Variants in HMCN1 observed in about 807,000 individuals in gnomAD.
HMCN1 encodes hemicentin-1.
In HMCN1, 321 loss-of-function variants were observed where a neutral mutation model predicts 625.9. The observed-to-expected ratio is 0.51, with a 90% CI of 0.47 to 0.56. The LOEUF (loss-of-function observed/expected upper bound fraction) is 0.56, where lower values mean the gene tolerates loss of function less well. Ranked by LOEUF, HMCN1 falls within the 20% of genes least tolerant of loss-of-function variation. The pLI, the probability that HMCN1 is intolerant of heterozygous loss-of-function variation, is 0.00. For missense variants in HMCN1, 6,588 were observed against 6,887.3 expected (o/e 0.96, Z 1.54); for synonymous variants, 2,425 against 2,417.6 (o/e 1.00, Z -0.09).
At chr1:185,967,542 C>G (rs1380564303) in intron 14 of HMCN1, among the ~76,000 whole-genome samples, 1 of 151,958 alleles carries the variant, frequency 6.6e-6, no homozygotes, top group East Asian at 1.9e-4. Context: ...GCAGAGCTGC[C>G]CTGACCTCCA....
chr1:186,172,217 G>A (rs1354050344), intron 102 of HMCN1, 86 bp downstream of exon 102: 1 of 1,541,974 alleles, frequency 6.5e-7, no homozygotes, highest in Non-Finnish European at 8.9e-7. Flanking sequence ...AGTGATTAGA[G>A]TAAATTTAAG....
At position 186,048,795 on chromosome 1, in the gene HMCN1, A is replaced by T. The variant is rs1656749903; in HGVS notation, c.6533A>T (p.Asn2178Ile). 6.2e-7 allele frequency: 1 copy of T among 1,611,696 alleles called. No homozygotes were observed. The highest frequency in any genetic ancestry group is 1.7e-5 in the Admixed American group (1 of 59,918). Residue 2178 changes from asparagine to isoleucine, a missense_variant, in exon 42 of 107, where the codon AAT (asparagine) becomes ATT (isoleucine). This residue lies in a region of HMCN1 where 4,628 missense variants were observed against 4,853.1 expected (regional missense o/e 0.95). Transcript: ENST00000271588. ...DTGRYTCEATNVAGKTEKNYN... is the reference protein window; with the variant it reads ...DTGRYTCEATIVAGKTEKNYN... ...GGTCGTTACACTTGTGAAGCAACAA[A>T]TGTTGCTGGAAAAACTGAAAAAAAC...
chr1:186,151,541 C>A (rs1650663920), intron 94 of HMCN1, 65 bp from the exon 95 acceptor site: 1 of 1,472,018 alleles, frequency 6.8e-7, no homozygotes, highest in East Asian at 2.3e-5. Context: ...GAATAATATG[C>A]TATGAAGACA....
chr1:185,975,435 A>G (rs993617138), intron 15 of HMCN1, among the ~76,000 whole-genome samples: 10 of 152,060 alleles, frequency 6.6e-5, no homozygotes, highest in African/African-American at 2.4e-4. Context: ...GGGAGGTGAT[A>G]CACACTTTTA....
chr1:185,930,237 T>TACGGTGGAAATGG (rs1667474955), intron 10 of HMCN1, among the ~76,000 whole-genome samples: 1 of 152,222 alleles, frequency 6.6e-6, no homozygotes, highest in South Asian at 2.1e-4. Context: ...TTAAAAAGAA[T>TACGGTGGAAATGG]ACGGTGGAAA....
chr1:185,849,508 T>C (rs183760067), intron 2 of HMCN1, among the ~76,000 whole-genome samples: 2 of 152,160 alleles, frequency 1.3e-5, no homozygotes, highest in Admixed American at 1.3e-4. Context: ...TTTTAATAAA[T>C]GAATGAATGA....
In HMCN1 at chr1:186,095,424, G is replaced by A; in HGVS notation, c.10476G>A (p.Gln3492=). 6.2e-7 allele frequency: 1 copy of A among 1,613,696 alleles called. No individual in the cohort carries two copies. The highest frequency in any genetic ancestry group is 8.5e-7 in the Non-Finnish European group (1 of 1,179,820). Reference sequence around the variant, plus strand: ...TCAGCACCCATGGAATGGTCCTGCAGCTCCTCAAAGCAGAGACTGAAGATT... The same window carrying A: ...TCAGCACCCATGGAATGGTCCTGCAACTCCTCAAAGCAGAGACTGAAGATT... ...LTVSTHGMVL[Q]LLKAETEDSG... The change falls in exon 68 of 107, where the codon CAG becomes CAA. Residue 3492 remains glutamine, a synonymous_variant. Coordinates refer to ENST00000271588, the MANE Select transcript of HMCN1 (RefSeq NM_031935.3).
chr1:186,186,104 C>T (rs1425280125), intron 105 of HMCN1, among the ~76,000 whole-genome samples: 1 of 152,134 alleles, frequency 6.6e-6, no homozygotes, highest in African/African-American at 2.4e-5. Context: ...TCAGATTTAA[C>T]TCTCTCGGTT....
intron 86 of HMCN1, among the ~76,000 whole-genome samples, chr1:186,136,165 G>T (rs1360415135): frequency 1.5e-5 from 2 of 130,550 alleles, no homozygotes; most frequent in Non-Finnish European, 3.1e-5. Flanking sequence ...GACAAAGGGA[G>T]ACTCTGGCTC....
intron 4 of HMCN1, among the ~76,000 whole-genome samples, chr1:185,893,161 G>A (rs1268924229): frequency 6.6e-6 from 1 of 152,202 alleles, no homozygotes; most frequent in African/African-American, 2.4e-5. Flanking sequence ...GCCTCGCCCT[G>A]CTTCGGCTCA....
intron 44 of HMCN1, 101 bp from the exon 45 acceptor site, chr1:186,055,292 A>T: frequency 1.9e-6 from 2 of 1,048,890 alleles, no homozygotes; most frequent in Non-Finnish European, 2.9e-6. Flanking sequence ...TTTATATTTT[A>T]ACATAAAAAT....
At chr1:186,088,833 G>A (rs1194631687) in intron 63 of HMCN1, 78 bp downstream of exon 63, 3 of 1,356,006 alleles carry the variant, frequency 2.2e-6, no homozygotes, top group East Asian at 5.0e-5. Flanking sequence ...ACATTTAAAG[G>A]TATCAGTAGT....
intron 1 of HMCN1, among the ~76,000 whole-genome samples, chr1:185,820,881 T>C (rs1423190003): frequency 2.6e-5 from 4 of 152,144 alleles, no homozygotes; most frequent in South Asian, 4.1e-4. Context: ...TGGATGAAGA[T>C]ATTTGCTTAT....
intron 40 of HMCN1, among the ~76,000 whole-genome samples, chr1:186,043,611 T>C (rs1656355412): frequency 6.6e-6 from 1 of 152,210 alleles, no homozygotes; most frequent in Non-Finnish European, 1.5e-5. Flanking sequence ...TTGTAGATTC[T>C]ACAAATAATC....
At chr1:186,011,638 G>A (rs1467294063) in intron 30 of HMCN1, among the ~76,000 whole-genome samples, 1 of 152,158 alleles carries the variant, frequency 6.6e-6, no homozygotes, top group Middle Eastern at 3.2e-3. Context: ...TGCTAGAACT[G>A]TAATTTGAGC....
At chr1:186,049,771 C>T (rs1473750935) in intron 42 of HMCN1, among the ~76,000 whole-genome samples, 3 of 151,628 alleles carry the variant, frequency 2.0e-5, no homozygotes, top group Non-Finnish European at 4.4e-5. Context: ...AACTTTGTTC[C>T]AATGGAGAAC....
intron 82 of HMCN1, among the ~76,000 whole-genome samples, chr1:186,126,552 C>G (rs766526466): frequency 6.6e-6 from 1 of 152,056 alleles, no homozygotes; most frequent in Admixed American, 6.6e-5. Flanking sequence ...AGAGTAAATT[C>G]TCTTTGGGAA....
rs1415890763 is a variant in HMCN1 at position 186,189,692 on chromosome 1, G to A, written c.16722G>A (p.Glu5574=). The change falls in exon 107 of 107, where the codon GAG becomes GAA. Residue 5574 remains glutamate (E), a synonymous_variant. Transcript: ENST00000271588. ...HPRTTFLMVD[E]EQTVPFALRD... is the part of the protein sequence containing the mutation. ...GGACAACTTTCCTCATGGTAGATGAGGAACAGACTGTTCCTTTTGCCTTGA... is the reference window on the plus strand; with the variant it reads ...GGACAACTTTCCTCATGGTAGATGAAGAACAGACTGTTCCTTTTGCCTTGA... 6.2e-7 allele frequency: 1 copy of A among 1,613,074 alleles called. No individual in the cohort carries two copies. Among genetic ancestry groups the A allele is most frequent in the South Asian group, 1.1e-5 (1 of 91,018 alleles).
intron 1 of HMCN1, among the ~76,000 whole-genome samples, chr1:185,806,952 A>G (rs1436793969): frequency 1.3e-5 from 2 of 152,142 alleles, no homozygotes; most frequent in Non-Finnish European, 2.9e-5. Flanking sequence ...TTAATGAAAC[A>G]GTTGAAGTGT....
Sources: allele counts gnomAD v4.1 joint callset (sites outside exome capture counted in the v4.1 genomes callset), GRCh38; gene constraint gnomAD v4.1.1; regional missense constraint gnomAD v4.1.1; transcripts MANE v1.5; gene names NCBI Gene and HGNC (gene_info 2026-07-23, HGNC 2026-07-21).